The following TMEFF1 variants were observed in gnomAD, a reference collection of about 807,000 sequenced individuals.
TMEFF1 encodes the protein transmembrane protein with EGF like and two follistatin like domains 1.
In TMEFF1, 20 loss-of-function variants were observed where a neutral mutation model predicts 47.5. The ratio of observed to expected loss-of-function variants is 0.42; its 90% confidence interval spans 0.30 to 0.61. The LOEUF is 0.61. TMEFF1 is among the 20% of genes least tolerant of loss of function. TMEFF1 has a pLI of 0.19. For synonymous variants in TMEFF1, 162 were observed against 166.3 expected, an observed-to-expected ratio of 0.97 and a Z score of 0.20; for missense variants, 411 against 471.1, an observed-to-expected ratio of 0.87 and a Z score of 1.18.
chr9:100,475,804 A>C (rs1267972664), intron 1 of TMEFF1, among the ~76,000 whole-genome samples: 1 of 146,430 alleles, frequency 6.8e-6, no homozygotes, highest in Non-Finnish European at 1.5e-5. Flanking sequence ...GACCTCGGGT[A>C]TGGGCAGGAA....
intron 7 of TMEFF1, among the ~76,000 whole-genome samples, chr9:100,553,362 C>G (rs1838860543): frequency 6.6e-6 from 1 of 151,632 alleles, no homozygotes; most frequent in Non-Finnish European, 1.5e-5. Flanking sequence ...AGTAAATATC[C>G]ACGTCTGCAA....
chr9:100,479,645 T>C (rs1837302921), intron 1 of TMEFF1, among the ~76,000 whole-genome samples: 1 of 152,210 alleles, frequency 6.6e-6, no homozygotes, highest in Non-Finnish European at 1.5e-5. Flanking sequence ...TCTGGCTTCT[T>C]TCCCTTAGCA....
intron 5 of TMEFF1, among the ~76,000 whole-genome samples, chr9:100,541,325 A>G (rs1042709203): frequency 1.4e-5 from 2 of 140,738 alleles, no homozygotes; most frequent in Non-Finnish European, 3.1e-5. Context: ...GTTAAACCCT[A>G]TCATGGTGGA....
At chr9:100,495,693 A>G (rs181727073) in intron 1 of TMEFF1, among the ~76,000 whole-genome samples, 21 of 152,252 alleles carry the variant, frequency 1.4e-4, no homozygotes, top group Admixed American at 1.3e-3. Flanking sequence ...ATAGCAAGAT[A>G]TGCATAAAAT....
intron 1 of TMEFF1, among the ~76,000 whole-genome samples, chr9:100,480,981 G>A (rs368554387): frequency 1.1e-4 from 17 of 152,186 alleles, no homozygotes; most frequent in African/African-American, 3.1e-4. Flanking sequence ...GGCTGTATGG[G>A]GAGAGTAGAA....
At chr9:100,478,335 T>G (rs1012303437) in intron 1 of TMEFF1, among the ~76,000 whole-genome samples, 1 of 152,206 alleles carries the variant, frequency 6.6e-6, no homozygotes, top group Non-Finnish European at 1.5e-5. Flanking sequence ...TGTTTGTTTG[T>G]TTGAGACAGG....
intron 5 of TMEFF1, among the ~76,000 whole-genome samples, chr9:100,546,683 G>A (rs1160400784): frequency 2.0e-5 from 3 of 152,214 alleles, no homozygotes; most frequent in African/African-American, 7.2e-5. Context: ...ACTTGTGAAT[G>A]TATTTAAGAG....
At chr9:100,512,798 C>G (rs2118373055) in intron 3 of TMEFF1, among the ~76,000 whole-genome samples, 1 of 152,002 alleles carries the variant, frequency 6.6e-6, no homozygotes, top group East Asian at 1.9e-4. Flanking sequence ...GCCTTTGGTT[C>G]CTTGCTTCCT....
intron 5 of TMEFF1, among the ~76,000 whole-genome samples, chr9:100,519,177 T>C (rs1838119349): frequency 6.6e-6 from 1 of 152,022 alleles, no homozygotes; most frequent in African/African-American, 2.4e-5. Context: ...CTCAGCACTT[T>C]GGCGGGCAGA....
At position 100,546,379 on chromosome 9, in the gene TMEFF1, C is replaced by T. The variant is rs147954545; in HGVS notation, c.561-1365C>T. 3.3e-3 allele frequency among the ~76,000 whole-genome samples: 502 copies of T among 152,236 alleles called. 2 individuals are homozygous for T. The highest frequency in any genetic ancestry group is 5.5e-3 in the Non-Finnish European group (376 of 68,010). ...AAAAACCATCAGATCTCATGACACT[C>T]ATTCACTATCATGAGAGCAGCACAG... On this transcript the variant is annotated intron_variant, in intron 5 of 9. Coordinates refer to ENST00000374879, the MANE Select transcript of TMEFF1 (RefSeq NM_003692.5).
At chr9:100,547,640 C>G (rs1838760752) in intron 5 of TMEFF1, 104 bp from the exon 6 acceptor site, 1 of 1,287,608 alleles carries the variant, frequency 7.8e-7, no homozygotes, top group Non-Finnish European at 1.0e-6. Context: ...AATATATTGA[C>G]TTCTGTTACA....
At chr9:100,571,435 A>G (rs1839237491) in intron 8 of TMEFF1, among the ~76,000 whole-genome samples, 1 of 152,174 alleles carries the variant, frequency 6.6e-6, no homozygotes, top group South Asian at 2.1e-4. Flanking sequence ...ATATGTATCT[A>G]TTTTGAAAAA....
At chr9:100,561,845 T>C (rs1229577250) in intron 8 of TMEFF1, among the ~76,000 whole-genome samples, 1 of 152,200 alleles carries the variant, frequency 6.6e-6, no homozygotes, top group Non-Finnish European at 1.5e-5. Flanking sequence ...CTAAAGACTG[T>C]ATTAAGAACA....
At chr9:100,539,811 T>C (rs929910759) in intron 5 of TMEFF1, among the ~76,000 whole-genome samples, 6 of 152,188 alleles carry the variant, frequency 3.9e-5, no homozygotes, top group African/African-American at 1.4e-4. Flanking sequence ...GATTGGTCCA[T>C]TTTACAGAGA....
At chr9:100,485,922 C>T (rs1837438968) in intron 1 of TMEFF1, among the ~76,000 whole-genome samples, 2 of 152,176 alleles carry the variant, frequency 1.3e-5, no homozygotes, top group African/African-American at 4.8e-5. Context: ...CATGGCTCAG[C>T]AGCCTTGTCA....
At chr9:100,566,183 T>A (rs1839122465) in intron 8 of TMEFF1, among the ~76,000 whole-genome samples, 1 of 152,232 alleles carries the variant, frequency 6.6e-6, no homozygotes, top group African/African-American at 2.4e-5. Context: ...CCTTGACCTC[T>A]CAATGTAGTA....
At chr9:100,525,454 TGAA>T (rs1416096746) in intron 5 of TMEFF1, among the ~76,000 whole-genome samples, 1 of 152,080 alleles carries the variant, frequency 6.6e-6, no homozygotes, top group Non-Finnish European at 1.5e-5. Context: ...ATCAGCCAGA[TGAA>T]GAAGTACATA....
At chr9:100,526,432 C>CT (rs1047929083) in intron 5 of TMEFF1, among the ~76,000 whole-genome samples, 6 of 151,974 alleles carry the variant, frequency 3.9e-5, no homozygotes, top group South Asian at 2.1e-4. Flanking sequence ...CTCATTTTAT[C>CT]TTTTTTTCCC....
At chr9:100,530,033 C>A (rs1212527992) in intron 5 of TMEFF1, among the ~76,000 whole-genome samples, 1 of 151,914 alleles carries the variant, frequency 6.6e-6, no homozygotes, top group Non-Finnish European at 1.5e-5. Context: ...TAAAGATGTT[C>A]TTTGAAACCA....
Sources: gnomAD v4.1 joint callset for allele counts (sites outside exome capture counted in the v4.1 genomes callset) on GRCh38, gnomAD v4.1.1 for gene constraint, MANE v1.5 for transcripts, NCBI Gene and HGNC (gene_info 2026-07-23, HGNC 2026-07-21) for gene names.